ZFHX3: variants seen among roughly 807,000 people sequenced by gnomAD.
ZFHX3 encodes the protein zinc finger homeobox protein 3.
ZFHX3 carries 42 observed loss-of-function variants against 279.1 expected under a neutral mutation model. That is an observed-to-expected ratio of 0.15 (90% CI 0.12 to 0.19). The LOEUF is 0.19. ZFHX3 is among the 10% of genes least tolerant of loss of function. The pLI is 1.00. For missense variants in ZFHX3, 4,981 were observed against 4,754.0 expected (o/e 1.05, Z -1.40); for synonymous variants, 2,293 against 1,957.8 (o/e 1.17, Z -4.52).
At chr16:73,250,695 G>C (rs1383033484) in intron 5 of ZFHX3, among the ~76,000 whole-genome samples, 1 of 147,724 alleles carries the variant, frequency 6.8e-6, no homozygotes, top group Non-Finnish European at 1.5e-5. Flanking sequence ...CACCACGTCT[G>C]GCTAATTTTT....
chr16:73,511,953 T>G (rs966685984), intron 2 of ZFHX3, among the ~76,000 whole-genome samples: 1 of 152,078 alleles, frequency 6.6e-6, no homozygotes, highest in African/African-American at 2.4e-5. Context: ...TGAGCCAGGT[T>G]CCCGTAAGAT....
chr16:73,536,134 C>A (rs1331578358), intron 2 of ZFHX3, among the ~76,000 whole-genome samples: 1 of 152,136 alleles, frequency 6.6e-6, no homozygotes, highest in Non-Finnish European at 1.5e-5. Flanking sequence ...TTGGGGTTGG[C>A]TGGAGTTACA....
At chr16:73,109,535 A>G (rs925061600) in intron 7 of ZFHX3, among the ~76,000 whole-genome samples, 2 of 152,174 alleles carry the variant, frequency 1.3e-5, no homozygotes, top group Non-Finnish European at 2.9e-5. Flanking sequence ...GGATGGATAC[A>G]CAAACTCGTG....
At chr16:73,325,051 T>C (rs567812405) in intron 3 of ZFHX3, among the ~76,000 whole-genome samples, 4 of 152,208 alleles carry the variant, frequency 2.6e-5, no homozygotes, top group Non-Finnish European at 5.9e-5. Flanking sequence ...TTGTGTATGT[T>C]AGAGCTCATC....
At chr16:73,707,861 T>C (rs2053320178) in intron 1 of ZFHX3, among the ~76,000 whole-genome samples, 2 of 151,936 alleles carry the variant, frequency 1.3e-5, no homozygotes, top group South Asian at 4.2e-4. Context: ...AAGGATTAAT[T>C]CTTGGGAGAC....
chr16:73,171,386 C>T (rs989396134), intron 5 of ZFHX3, among the ~76,000 whole-genome samples: 1 of 151,386 alleles, frequency 6.6e-6, no homozygotes, highest in Non-Finnish European at 1.5e-5. Context: ...AAGCCTCAGG[C>T]AGAAGGAGCT....
chr16:73,840,404 A>T (rs868336129), intron 1 of ZFHX3, among the ~76,000 whole-genome samples: 2 of 152,226 alleles, frequency 1.3e-5, no homozygotes, highest in South Asian at 2.1e-4. Flanking sequence ...AAGTTCCATG[A>T]CTACTTTACC....
At chr16:73,643,852 T>C (rs2052594950) in intron 2 of ZFHX3, among the ~76,000 whole-genome samples, 1 of 152,208 alleles carries the variant, frequency 6.6e-6, no homozygotes, top group African/African-American at 2.4e-5. Context: ...TATCTCCCTC[T>C]TGAGTCATAC....
chr16:73,022,940 G>A (rs1964357992), intron 1 of ZFHX3, among the ~76,000 whole-genome samples: 1 of 152,076 alleles, frequency 6.6e-6, no homozygotes, highest in South Asian at 2.1e-4. Flanking sequence ...TTAAAACATA[G>A]TATGTGGCCA....
intron 2 of ZFHX3, among the ~76,000 whole-genome samples, chr16:73,648,278 CAGAG>C (rs1022051655): frequency 2.0e-4 from 31 of 152,278 alleles, no homozygotes; most frequent in African/African-American, 7.5e-4. Flanking sequence ...GAAACAGACT[CAGAG>C]AGATTAAATG....
At chr16:73,671,012 G>A (rs1448141019) in intron 2 of ZFHX3, among the ~76,000 whole-genome samples, 1 of 152,176 alleles carries the variant, frequency 6.6e-6, no homozygotes, top group Non-Finnish European at 1.5e-5. Context: ...AAACAGCTAT[G>A]GGCTCCAGGA....
chr16:73,499,014 G>A (rs947306408), intron 2 of ZFHX3, among the ~76,000 whole-genome samples: 1 of 152,174 alleles, frequency 6.6e-6, no homozygotes, highest in African/African-American at 2.4e-5. Flanking sequence ...ATGTGTTTAT[G>A]AGACCTGAAG....
chr16:73,773,919 C>A (rs1387869032), intron 1 of ZFHX3, among the ~76,000 whole-genome samples: 1 of 152,082 alleles, frequency 6.6e-6, no homozygotes, highest in Non-Finnish European at 1.5e-5. Flanking sequence ...AAGAGGATCT[C>A]TTGAGGCCAG....
At chr16:73,803,839 A>G (rs1255514040) in intron 1 of ZFHX3, among the ~76,000 whole-genome samples, 2 of 152,002 alleles carry the variant, frequency 1.3e-5, no homozygotes, top group African/African-American at 4.8e-5. Context: ...GTGAACAAAG[A>G]TAATGATACA....
chr16:72,788,072 G>T lies in ZFHX3; in HGVS notation c.10204C>A (p.Pro3402Thr). 1 of 1,612,072 alleles carries T rather than the reference G, an allele frequency of 6.2e-7. No individual in the cohort carries two copies. ...QQQQPKASQTPVPPGAPSPDK... is the reference protein window; with the variant it reads ...QQQQPKASQTTVPPGAPSPDK... Reference sequence around the variant, plus strand: ...GGGGAAGGAGCCCCGGGGGGGACTGGGGTTTGGCTTGCTTTGGGCTGCTGC... The same window carrying T: ...GGGGAAGGAGCCCCGGGGGGGACTGTGGTTTGGCTTGCTTTGGGCTGCTGC... The change falls in exon 10 of 10, where the codon CCA (proline) becomes ACA (threonine). Residue 3402 changes from proline to threonine, a missense_variant. By Grantham distance (38) the Pro-to-Thr change is conservative. Transcript: ENST00000268489.
At position 73,415,576 on chromosome 16, in the gene ZFHX3, A is replaced by G. The variant is rs542729947; in HGVS notation, c.-1291+40427T>C. On this transcript the variant is annotated intron_variant, in intron 3 of 17. Transcript: ENST00000641206. ...AGCTGCTTCCTCCTCAAACCTTAGCATTCCCTCCAATGTATTTCTCCGTGT... is the reference window on the plus strand; with the variant it reads ...AGCTGCTTCCTCCTCAAACCTTAGCGTTCCCTCCAATGTATTTCTCCGTGT... Among the ~76,000 whole-genome samples, 6 of 152,312 alleles carry G rather than the reference A, an allele frequency of 3.9e-5. No homozygotes were observed. The South Asian group carries it at 1.0e-3, about 26-fold the overall frequency.
chr16:73,652,254 T>C (rs566939357), intron 2 of ZFHX3, among the ~76,000 whole-genome samples: 1 of 152,302 alleles, frequency 6.6e-6, no homozygotes, highest in Admixed American at 6.5e-5. Context: ...GTGCTACCAC[T>C]CGTACCAAGG....
At chr16:73,743,971 C>A (rs977995676) in intron 1 of ZFHX3, among the ~76,000 whole-genome samples, 3 of 152,122 alleles carry the variant, frequency 2.0e-5, no homozygotes, top group Admixed American at 2.0e-4. Context: ...GACATCCTCT[C>A]TACATAACAG....
At chr16:73,684,800 A>G (rs2142200257) in intron 1 of ZFHX3, among the ~76,000 whole-genome samples, 1 of 151,548 alleles carries the variant, frequency 6.6e-6, no homozygotes, top group East Asian at 1.9e-4. Flanking sequence ...TCCTGGGTTC[A>G]AGCAATTCTC....
Sources: gnomAD v4.1 joint callset for allele counts (sites outside exome capture counted in the v4.1 genomes callset) on GRCh38, gnomAD v4.1.1 for gene constraint, MANE v1.5 for transcripts, NCBI Gene and HGNC (gene_info 2026-07-23, HGNC 2026-07-21) for gene names.